Variants in ERAP2 observed in about 807,000 individuals in gnomAD.
The protein encoded by ERAP2 is leukocyte-derived arginine aminopeptidase.
In ERAP2, 118 loss-of-function variants were observed where a neutral mutation model predicts 111.1. The observed-to-expected ratio is 1.06, with a 90% CI of 0.92 to 1.24. The LOEUF is 1.24. Ranked by LOEUF, ERAP2 falls within the 50% of genes most tolerant of loss-of-function variation. ERAP2 has a pLI of 0.00. For synonymous variants in ERAP2, 410 were observed against 401.2 expected, an observed-to-expected ratio of 1.02 and a Z score of -0.26; for missense variants, 1,131 against 1,125.8, an observed-to-expected ratio of 1.00 and a Z score of -0.07.
chr5:96,909,650 A>G lies in ERAP2; in HGVS notation c.2240A>G (p.Asp747Gly). The change falls in exon 15 of 19, where the codon GAC (aspartate) becomes GGC (glycine). Residue 747 changes from aspartate to glycine, a missense_variant. Asp to Gly is a moderately conservative substitution (Grantham distance 94). Transcript: ENST00000437043. ...TGGAGTGACAAGGGCTCAGTCTGGG[A>G]CAGGATGCTCCGCTCGGCTCTCTTG... ...QSWSDKGSVWDRMLRSALLKL... is the reference protein window; with the variant it reads ...QSWSDKGSVWGRMLRSALLKL... The G allele has an allele frequency of 1.2e-6, 2 of 1,614,168 alleles. No homozygotes were observed. Among genetic ancestry groups the G allele is most frequent in the Non-Finnish European group, 1.7e-6 (2 of 1,180,026 alleles).
chr5:96,882,082 C>T (rs1783189938), intron 2 of ERAP2, among the ~76,000 whole-genome samples: 1 of 152,140 alleles, frequency 6.6e-6, no homozygotes, highest in Non-Finnish European at 1.5e-5. Flanking sequence ...GACAACTCTT[C>T]CCCAGGCTCC....
intron 17 of ERAP2, among the ~76,000 whole-genome samples, chr5:96,914,129 GTCTC>G (rs35052241): frequency 1.2e-4 from 17 of 146,944 alleles, no homozygotes; most frequent in South Asian, 2.2e-4. Context: ...ATTGCTTTCT[GTCTC>G]TCTCTCTCTC....
At chr5:96,896,252 C>A (rs1317533267) in intron 7 of ERAP2, 121 bp from the exon 8 acceptor site, 23 of 747,858 alleles carry the variant, frequency 3.1e-5, no homozygotes, top group Non-Finnish European at 4.6e-5. Flanking sequence ...AAAGAAACAT[C>A]TCCCAAGAAA....
At chr5:96,912,275 A>G (rs969867539) in intron 15 of ERAP2, among the ~76,000 whole-genome samples, 1 of 151,918 alleles carries the variant, frequency 6.6e-6, no homozygotes, top group African/African-American at 2.4e-5. Context: ...TAAAAAAAAA[A>G]TCTTATAGCA....
At chr5:96,897,090 G>C (rs1057440822) in intron 9 of ERAP2, among the ~76,000 whole-genome samples, 13 of 152,046 alleles carry the variant, frequency 8.6e-5, no homozygotes, top group Non-Finnish European at 1.9e-4. Context: ...ACTTTCTTTG[G>C]TTTCTCTTCT....
intron 14 of ERAP2, among the ~76,000 whole-genome samples, 192 bp downstream of exon 14, chr5:96,909,309 T>C (rs1299149880): frequency 2.0e-5 from 3 of 152,218 alleles, no homozygotes; most frequent in Admixed American, 2.0e-4. Flanking sequence ...ACCAGGATCA[T>C]GTGCAAAACA....
chr5:96,886,823 G>A, intron 4 of ERAP2, 34 bp downstream of exon 4: 4 of 1,376,038 alleles, frequency 2.9e-6, no homozygotes, highest in Non-Finnish European at 2.9e-6. Flanking sequence ...ACGCAGTGCA[G>A]AAAAGTGTCC....
At chr5:96,904,250 T>C (rs1785795198) in intron 13 of ERAP2, among the ~76,000 whole-genome samples, 1 of 152,158 alleles carries the variant, frequency 6.6e-6, no homozygotes, top group Non-Finnish European at 1.5e-5. Context: ...AACAGAATAA[T>C]GTGTGGAATG....
At position 96,880,026 on chromosome 5, in the gene ERAP2, A is replaced by T; in HGVS notation, c.341A>T (p.Asp114Val). 1 of 1,614,192 alleles carries T rather than the reference A, an allele frequency of 6.2e-7. No homozygotes were observed. The highest frequency in any genetic ancestry group is 8.5e-7 in the Non-Finnish European group (1 of 1,180,028). Reference protein sequence around the residue: ...ATQFIILHSKDLEITNATLQS... With the variant: ...ATQFIILHSKVLEITNATLQS... Reference sequence around the variant, plus strand: ...CAGTTTATCATCTTGCACAGCAAAGATCTTGAAATCACGAATGCCACCCTT... The same window carrying T: ...CAGTTTATCATCTTGCACAGCAAAGTTCTTGAAATCACGAATGCCACCCTT... Residue 114 changes from aspartate to valine, a missense_variant, in exon 2 of 19, where the codon GAT becomes GTT. Asp to Val is a radical substitution (Grantham distance 152, BLOSUM62 -3). This residue lies in a region of ERAP2 where 847 missense variants were observed against 856.5 expected (regional missense o/e 0.99). Coordinates refer to ENST00000437043, the MANE Select transcript of ERAP2 (RefSeq NM_022350.5).
chr5:96,902,686 C>A, intron 12 of ERAP2: 1 of 191,266 alleles, frequency 5.2e-6, no homozygotes, highest in Non-Finnish European at 1.1e-5. Flanking sequence ...AAAGCACATA[C>A]TTTAAAATTG....
At chr5:96,898,235 A>C (rs900951620) in intron 9 of ERAP2, among the ~76,000 whole-genome samples, 1 of 152,006 alleles carries the variant, frequency 6.6e-6, no homozygotes, top group African/African-American at 2.4e-5. Context: ...ATAAATAAAA[A>C]ATCAAAGTTA....
chr5:96,905,773 A>G (rs1427571329), intron 13 of ERAP2, among the ~76,000 whole-genome samples: 1 of 152,236 alleles, frequency 6.6e-6, no homozygotes, highest in East Asian at 1.9e-4. Flanking sequence ...AATCCCAGCT[A>G]CTTGGGTGGC....
At chr5:96,899,550 C>G (rs909420959) in intron 9 of ERAP2, among the ~76,000 whole-genome samples, 7 of 152,142 alleles carry the variant, frequency 4.6e-5, no homozygotes, top group Non-Finnish European at 1.0e-4. Context: ...CCCTTAAGTA[C>G]TGGTTATTCA....
intron 9 of ERAP2, among the ~76,000 whole-genome samples, chr5:96,899,180 G>C (rs906147647): frequency 6.6e-6 from 1 of 152,164 alleles, no homozygotes; most frequent in Non-Finnish European, 1.5e-5. Flanking sequence ...CTAAGGGACA[G>C]ATTTGCCCAA....
chr5:96,876,795 C>T (rs763627619), intron 1 of ERAP2, among the ~76,000 whole-genome samples: 1 of 151,746 alleles, frequency 6.6e-6, no homozygotes, highest in Non-Finnish European at 1.5e-5. Flanking sequence ...CTCTTCAATC[C>T]CAGGATGTTT....
At chr5:96,908,286 T>C (rs1786327058) in intron 13 of ERAP2, among the ~76,000 whole-genome samples, 2 of 152,188 alleles carry the variant, frequency 1.3e-5, no homozygotes, top group African/African-American at 4.8e-5. Context: ...CACTTTCCAA[T>C]AGTGAGGTTA....
chr5:96,912,456 A>G (rs1786904291), intron 15 of ERAP2, among the ~76,000 whole-genome samples, 181 bp from the exon 16 acceptor site: 1 of 152,202 alleles, frequency 6.6e-6, no homozygotes, highest in African/African-American at 2.4e-5. Context: ...TAAAACACAA[A>G]TAATTTGCAG....
At position 96,892,342 on chromosome 5, in the gene ERAP2, T is replaced by C. The variant is rs367873633; in HGVS notation, c.1014T>C (p.Asn338=). 3.1e-6 allele frequency: 5 copies of C among 1,613,868 alleles called. No homozygotes were observed. The African/African-American group carries it at 5.3e-5, about 17-fold the overall frequency. ...ACTTTGCACCTGGAGCCATGGAAAA[T>C]TGGGGCCTCATTACATATAGGGAGA... The part of the protein sequence containing the change: ...IPDFAPGAME[N]WGLITYRETS... Residue 338 remains asparagine, a synonymous_variant, in exon 6 of 19, where the codon AAT becomes AAC. Transcript: ENST00000437043.
chr5:96,899,947 T>G (rs1328010699), intron 9 of ERAP2, among the ~76,000 whole-genome samples, 174 bp from the exon 10 acceptor site: 1 of 152,224 alleles, frequency 6.6e-6, no homozygotes, highest in Non-Finnish European at 1.5e-5. Context: ...TTTGTGGACT[T>G]CTATCCCAGG....
Sources: gnomAD v4.1 joint callset for allele counts (sites outside exome capture counted in the v4.1 genomes callset) on GRCh38, gnomAD v4.1.1 for gene constraint, gnomAD v4.1.1 regional missense constraint, MANE v1.5 for transcripts, NCBI Gene and HGNC (gene_info 2026-07-23, HGNC 2026-07-21) for gene names.